The following FDX2 variants were observed in gnomAD, a reference collection of about 807,000 sequenced individuals.
FDX2 encodes the protein ferredoxin 2.
In FDX2, 13 loss-of-function variants were observed where a neutral mutation model predicts 18.5. The ratio of observed to expected loss-of-function variants is 0.70; its 90% CI spans 0.46 to 1.12. FDX2 has a LOEUF of 1.12. FDX2 is among the 50% of genes most tolerant of loss of function. The probability of loss-of-function intolerance (pLI) is 0.00; values close to 1 mark genes in which losing one functional copy is unlikely to be tolerated. For missense variants in FDX2, 238 were observed against 250.4 expected (o/e 0.95, Z 0.34); for synonymous variants, 132 against 106.2 (o/e 1.24, Z -1.49).
At chr19:10,311,408 T>TC (rs2040322930) in intron 3 of FDX2, among the ~76,000 whole-genome samples, 1 of 151,590 alleles carries the variant, frequency 6.6e-6, no homozygotes, top group Admixed American at 6.6e-5. Flanking sequence ...TTTGTTTTTT[T>TC]TTTTTTTGAG....
intron 3 of FDX2, among the ~76,000 whole-genome samples, chr19:10,312,223 C>T (rs955110735): frequency 1.4e-5 from 2 of 145,566 alleles, no homozygotes; most frequent in African/African-American, 5.1e-5. Flanking sequence ...CCATGTGGCC[C>T]AGGCTGGTCT....
At chr19:10,314,321 T>C (rs1390647937) in intron 3 of FDX2, among the ~76,000 whole-genome samples, 2 of 152,178 alleles carry the variant, frequency 1.3e-5, no homozygotes. Flanking sequence ...CAACAAATTA[T>C]CAAACATCTG....
chr19:10,313,988 T>C (rs937083297), intron 3 of FDX2, among the ~76,000 whole-genome samples: 1 of 135,690 alleles, frequency 7.4e-6, no homozygotes, highest in Non-Finnish European at 1.6e-5. Context: ...CTGGCCTTTT[T>C]TTTTTGTTTG....
chr19:10,314,525 A>C (rs558459148), intron 3 of FDX2, among the ~76,000 whole-genome samples: 16 of 151,944 alleles, frequency 1.1e-4, no homozygotes, highest in African/African-American at 2.7e-4. Flanking sequence ...GTATGATTGC[A>C]TCATGGCACT....
rs776182147 is a variant in FDX2 at position 10,310,913 on chromosome 19, G to A, written c.344C>T (p.Ser115Phe). The A allele has an allele frequency of 1.9e-6, 3 of 1,613,562 alleles. No individual in the cohort carries two copies. The highest frequency in any genetic ancestry group is 2.5e-6 in the Non-Finnish European group (3 of 1,179,758). The change falls in exon 4 of 5, where the codon TCC becomes TTC. Residue 115 changes from serine to phenylalanine, a missense_variant. Ser to Phe is a radical substitution (Grantham distance 155, BLOSUM62 -2). Coordinates refer to ENST00000393708, the MANE Select transcript of FDX2 (RefSeq NM_001031734.4). ...TTCACTCACATACACATGGCAGGTG[G>A]AGCAGGCCAGGGAGGCTTCACAGGC... is the stretch of plus-strand genomic sequence containing the variant.
At position 10,315,772 on chromosome 19, in the gene FDX2, G is replaced by A. The variant is rs771699145; in HGVS notation, c.155-13C>T. ...GCCGGGCGCGAGCCTGGAAAACACG[G>A]TTCGGTGAGCGGCTGCGCCGAGCCC... is the stretch of plus-strand genomic sequence containing the variant. On this transcript the variant is annotated splice_polypyrimidine_tract_variant and intron_variant, in intron 1 of 4. Transcript: ENST00000393708. The A allele has an allele frequency of 8.4e-5, 135 of 1,603,382 alleles. No homozygotes were observed. Among genetic ancestry groups the A allele is most frequent in the Non-Finnish European group, 1.1e-4 (129 of 1,175,760 alleles).
intron 3 of FDX2, among the ~76,000 whole-genome samples, chr19:10,314,540 C>T (rs2040357339): frequency 6.6e-6 from 1 of 150,776 alleles, no homozygotes; most frequent in South Asian, 2.1e-4. Flanking sequence ...GGCACTCCAG[C>T]ATTGGCGACA....
In FDX2 at chr19:10,310,854, T is replaced by C. The variant is rs2040316611; in HGVS notation, c.403A>G (p.Arg135Gly). ...GCTAGACAGGGCTGACCCACTCACC[T>C]CTCCTCGGGAGGAGGCAGGAGATCC... is the stretch of plus-strand genomic sequence containing the variant. Residue 135 changes from arginine (R) to glycine (G), a missense_variant and splice_region_variant, in exon 4 of 5, where the codon AGG (arginine) becomes GGG (glycine). Arg to Gly is a moderately radical substitution (Grantham distance 125). Transcript: ENST00000393708. The C allele has an allele frequency of 1.2e-6, 2 of 1,613,252 alleles. No homozygotes were observed. The highest frequency in any genetic ancestry group is 1.7e-6 in the Non-Finnish European group (2 of 1,179,692).
rs542407953 is a variant in FDX2, at chr19:10,312,204, C to T, written c.317-1264G>A. Reference sequence around the variant, plus strand: ...TTTTTTTTTTTTTTTTTTGTAGAGACGAGGTTCACCATGTGGCCCAGGCTG... The same window carrying T: ...TTTTTTTTTTTTTTTTTTGTAGAGATGAGGTTCACCATGTGGCCCAGGCTG... On this transcript the variant is annotated intron_variant, in intron 3 of 4. Coordinates refer to ENST00000393708, the MANE Select transcript of FDX2 (RefSeq NM_001031734.4). 4.8e-3 allele frequency among the ~76,000 whole-genome samples: 577 copies of T among 120,056 alleles called. 3 individuals carry two copies. The highest frequency in any genetic ancestry group is 0.018 in the African/African-American group (550 of 31,240). The allele number at this position is 120,056 out of a possible 152,430, so 78.8% of individuals were successfully genotyped here. A position where few individuals can be genotyped will look rare whatever the true frequency, so the allele number is the denominator to read the frequency against.
chr19:10,315,437 C>T lies in FDX2; in HGVS notation c.265G>A (p.Val89Ile), dbSNP rs754898520. The T allele has an allele frequency of 7.4e-6, 12 of 1,613,504 alleles. No homozygotes were observed. The highest frequency in any genetic ancestry group is 1.0e-5 in the Non-Finnish European group (12 of 1,179,934). ...GCCAGGTGAAGAACATTGTCCCCGACTCTGCCACTCACTGGGATCCGCTGG... is the reference window on the plus strand; with the variant it reads ...GCCAGGTGAAGAACATTGTCCCCGATTCTGCCACTCACTGGGATCCGCTGG... Residue 89 changes from valine to isoleucine, a missense_variant, in exon 3 of 5, where the codon GTC (valine) becomes ATC (isoleucine). Physicochemically the swap from Val to Ile is conservative, Grantham distance 29. Coordinates refer to ENST00000393708, the MANE Select transcript of FDX2 (RefSeq NM_001031734.4).
intron 3 of FDX2, among the ~76,000 whole-genome samples, chr19:10,312,564 G>T (rs1015373788): frequency 6.6e-6 from 1 of 151,660 alleles, no homozygotes; most frequent in Non-Finnish European, 1.5e-5. Flanking sequence ...ATGGAGTCCC[G>T]CTCTGTTGCC....
chr19:10,310,879 C>G lies in FDX2; in HGVS notation c.378G>C (p.Leu126=), dbSNP rs2040317079. 6.2e-7 allele frequency: 1 copy of G among 1,613,804 alleles called. No individual in the cohort carries two copies. Among genetic ancestry groups the G allele is most frequent in the Non-Finnish European group, 8.5e-7 (1 of 1,179,966 alleles). Residue 126 remains leucine, a synonymous_variant, in exon 4 of 5, where the codon CTG becomes CTC. Transcript: ENST00000393708. ...TCTCCTCGGGAGGAGGCAGGAGATC[C>G]AGGTGGTCTTCACTCACATACACAT...
At chr19:10,311,419 A>T (rs1371379001) in intron 3 of FDX2, among the ~76,000 whole-genome samples, 4 of 142,560 alleles carry the variant, frequency 2.8e-5, no homozygotes, top group African/African-American at 1.0e-4. Context: ...TTTTTTTGAG[A>T]TGGAGTCTTG....
At position 10,310,632 on chromosome 19, in the gene FDX2, TGTC is replaced by T; in HGVS notation, c.412_414del (p.Asp138del). The T allele has an allele frequency of 6.2e-7, 1 of 1,602,400 alleles. No individual in the cohort carries two copies. Among genetic ancestry groups the T allele is most frequent in the East Asian group, 2.3e-5 (1 of 43,542 alleles). On this transcript the variant is annotated inframe_deletion, in exon 5 of 5. Transcript: ENST00000393708. ...TGGAGGAGGGGGGCCATGTCTAGCA[TGTC>T]GTCTTCCCTAGGGTGGTGACACGGG...
chr19:10,313,549 C>T (rs1170599590), intron 3 of FDX2, among the ~76,000 whole-genome samples: 1 of 149,570 alleles, frequency 6.7e-6, no homozygotes, highest in African/African-American at 2.5e-5. Context: ...TCTACTTAAC[C>T]TGGGGTTTAG....
rs532345417 is a variant in FDX2 at position 10,310,077 on chromosome 19, C to T, written c.*409G>A. Reference sequence around the variant, plus strand: ...TACTGTTTTTATAGAGACGAGGTCTCGCCATGTTGCCCAGGATGGTCTTAA... The same window carrying T: ...TACTGTTTTTATAGAGACGAGGTCTTGCCATGTTGCCCAGGATGGTCTTAA... On this transcript the variant is annotated 3_prime_UTR_variant, in exon 5 of 5. Transcript: ENST00000393708. 17 of 191,232 alleles carry T rather than the reference C, an allele frequency of 8.9e-5. No individual in the cohort carries two copies. Among genetic ancestry groups the T allele is most frequent in the Non-Finnish European group, 1.6e-4 (15 of 91,594 alleles). The allele number at this position is 191,232 out of a possible 1,614,324, so 11.8% of individuals were successfully genotyped here. A position where few individuals can be genotyped will look rare whatever the true frequency, so the allele number is the denominator to read the frequency against.
Position 10,310,377 on chromosome 19 carries a change from T to C in FDX2, c.*109A>G. 6.9e-7 allele frequency: 1 copy of C among 1,438,984 alleles called. No homozygotes were observed. Among genetic ancestry groups the C allele is most frequent in the Non-Finnish European group, 9.5e-7 (1 of 1,052,488 alleles). The allele number at this position is 1,438,984 out of a possible 1,614,324, so 89.1% of individuals were successfully genotyped here. A position where few individuals can be genotyped will look rare whatever the true frequency, so the allele number is the denominator to read the frequency against. ...AGGGGTGTTGTCCTTCACAGGGGCT[T>C]CCACGTCTCTCCCGGGCCTGTCCGC... is the stretch of plus-strand genomic sequence containing the variant. On this transcript the variant is annotated 3_prime_UTR_variant, in exon 5 of 5. Coordinates refer to ENST00000393708, the MANE Select transcript of FDX2 (RefSeq NM_001031734.4).
intron 3 of FDX2, 118 bp downstream of exon 3, chr19:10,315,268 T>C: frequency 1.3e-6 from 1 of 779,206 alleles, no homozygotes; most frequent in Non-Finnish European, 2.0e-6. Context: ...GTTTGGATTT[T>C]AGTCCATATT....
chr19:10,314,558 G>T (rs62130692), intron 3 of FDX2, among the ~76,000 whole-genome samples: 1 of 151,558 alleles, frequency 6.6e-6, no homozygotes, highest in Non-Finnish European at 1.5e-5. Flanking sequence ...ACACAGCAAG[G>T]CTCCGTCTCT....
Sources: allele counts gnomAD v4.1 joint callset (sites outside exome capture counted in the v4.1 genomes callset), GRCh38; gene constraint gnomAD v4.1.1; transcripts MANE v1.5; gene names NCBI Gene and HGNC (gene_info 2026-07-23, HGNC 2026-07-21).